PLEKHH2: variants seen among roughly 807,000 people sequenced by gnomAD.
PLEKHH2 encodes the protein pleckstrin homology, MyTH4 and FERM domain containing H2, also known as pleckstrin homology domain-containing family H member 2.
Under a neutral mutation model 187.9 loss-of-function variants are expected in PLEKHH2, and 129 were observed. That is an observed-to-expected ratio of 0.69 (90% CI 0.59 to 0.79). The LOEUF (loss-of-function observed/expected upper bound fraction) is 0.79. PLEKHH2 is among the 30% of genes least tolerant of loss of function. The probability of loss-of-function intolerance (pLI) is 0.00; values close to 1 mark genes in which losing one functional copy is unlikely to be tolerated. For missense variants in PLEKHH2, 2,076 were observed against 1,751.2 expected (o/e 1.19, Z -3.31); for synonymous variants, 686 against 605.6 (o/e 1.13, Z -1.95).
At chr2:43,650,978 C>A (rs985240799) in intron 2 of PLEKHH2, among the ~76,000 whole-genome samples, 9 of 151,548 alleles carry the variant, frequency 5.9e-5, no homozygotes, top group African/African-American at 2.2e-4. Context: ...TATATTTAAA[C>A]TGGTTTTAAA....
chr2:43,761,071 C>G (rs923746318), intron 27 of PLEKHH2, among the ~76,000 whole-genome samples: 1 of 152,158 alleles, frequency 6.6e-6, no homozygotes, highest in Non-Finnish European at 1.5e-5. Flanking sequence ...GAAGGGCATC[C>G]TTTTGAATTG....
At chr2:43,646,299 GT>G (rs1666182273) in intron 2 of PLEKHH2, among the ~76,000 whole-genome samples, 1 of 151,974 alleles carries the variant, frequency 6.6e-6, no homozygotes, top group Non-Finnish European at 1.5e-5. Context: ...TTTCCATGTT[GT>G]ACTATGATTT....
At chr2:43,650,965 T>C (rs973029880) in intron 2 of PLEKHH2, among the ~76,000 whole-genome samples, 2 of 151,970 alleles carry the variant, frequency 1.3e-5, no homozygotes, top group Non-Finnish European at 2.9e-5. Context: ...TTCCTACTAC[T>C]GTTATATTTA....
chr2:43,745,362 C>A (rs577882834), intron 23 of PLEKHH2, among the ~76,000 whole-genome samples: 1 of 152,084 alleles, frequency 6.6e-6, no homozygotes, highest in East Asian at 1.9e-4. Context: ...CCACAAGGGA[C>A]CTTAGAGAAA....
At chr2:43,640,280 T>C (rs1703313328) in intron 1 of PLEKHH2, among the ~76,000 whole-genome samples, 1 of 151,730 alleles carries the variant, frequency 6.6e-6, no homozygotes, top group African/African-American at 2.4e-5. Flanking sequence ...TGATCATAGC[T>C]CACTGCTCAA....
intron 2 of PLEKHH2, among the ~76,000 whole-genome samples, chr2:43,654,564 CTTTTTTTT>C (rs35454431): frequency 7.9e-6 from 1 of 126,470 alleles, no homozygotes; most frequent in South Asian, 2.7e-4. Flanking sequence ...AACTCCTTAA[CTTTTTTTT>C]TTTTTTTTTT....
chr2:43,667,319 G>T (rs1355893875), intron 2 of PLEKHH2, among the ~76,000 whole-genome samples: 1 of 152,154 alleles, frequency 6.6e-6, no homozygotes, highest in African/African-American at 2.4e-5. Flanking sequence ...AAAAATTGAA[G>T]GTCTCATACA....
intron 2 of PLEKHH2, among the ~76,000 whole-genome samples, chr2:43,669,496 A>C (rs931760942): frequency 1.3e-5 from 2 of 152,238 alleles, no homozygotes; most frequent in Non-Finnish European, 2.9e-5. Context: ...GTGGGAAAAA[A>C]TAAATTAACC....
At chr2:43,727,302 C>G (rs973113275) in intron 17 of PLEKHH2, among the ~76,000 whole-genome samples, 1 of 151,150 alleles carries the variant, frequency 6.6e-6, no homozygotes, top group African/African-American at 2.4e-5. Flanking sequence ...ATCCCAGCTA[C>G]TTGGGAGGCT....
Position 43,767,295 on chromosome 2 carries a change from T to G in PLEKHH2, c.*1697T>G, listed in dbSNP as rs1159328105. 6.6e-6 allele frequency: 1 copy of G among 152,344 alleles called. No individual in the cohort carries two copies. The highest frequency in any genetic ancestry group is 2.4e-5 in the African/African-American group (1 of 41,452). The allele number at this position is 152,344 out of a possible 1,614,324, so 9.4% of individuals were successfully genotyped here. A position where few individuals can be genotyped will look rare whatever the true frequency, so the allele number is the denominator to read the frequency against. ...CCTTCTCCCTGTGGCAATGTACTGT[T>G]CTCACATTAAGCCTTTTAAAAATGT... On this transcript the variant is annotated 3_prime_UTR_variant, in exon 30 of 30. Transcript: ENST00000282406.
intron 13 of PLEKHH2, 26 bp from the exon 14 acceptor site, chr2:43,710,463 T>C: frequency 6.3e-7 from 1 of 1,589,508 alleles, no homozygotes; most frequent in Non-Finnish European, 8.5e-7. Flanking sequence ...TTAATCACTT[T>C]CCATTTGTTT....
intron 24 of PLEKHH2, among the ~76,000 whole-genome samples, chr2:43,753,298 T>A (rs775998892): frequency 6.6e-6 from 1 of 152,230 alleles, no homozygotes; most frequent in Non-Finnish European, 1.5e-5. Flanking sequence ...GGATTTCTTA[T>A]AAGCGCCATA....
At chr2:43,659,634 T>C (rs1169075270) in intron 2 of PLEKHH2, among the ~76,000 whole-genome samples, 2 of 151,394 alleles carry the variant, frequency 1.3e-5, no homozygotes, top group African/African-American at 4.9e-5. Context: ...CTCAGCTCAC[T>C]GGCAACCTCT....
chr2:43,733,389 C>T (rs1020400401), intron 19 of PLEKHH2, among the ~76,000 whole-genome samples: 6 of 151,400 alleles, frequency 4.0e-5, no homozygotes, highest in African/African-American at 1.2e-4. Flanking sequence ...AAAAATCCCT[C>T]CACTTAATAG....
rs1669272007 is a variant in PLEKHH2, at chr2:43,699,920, G to A, written c.962G>A (p.Gly321Glu). Residue 321 changes from glycine (G) to glutamate (E), a missense_variant, in exon 8 of 30, where the codon GGA (glycine) becomes GAA (glutamate). Coordinates refer to ENST00000282406, the MANE Select transcript of PLEKHH2 (RefSeq NM_172069.4). ...GAAGGGGTCCAGTGTAGCAGGATGG[G>A]AAGTGAAATGTATCTGACAGCATCT... Reference protein sequence around the residue: ...SEEGVQCSRMGSEMYLTASDD... With the variant: ...SEEGVQCSRMESEMYLTASDD... 1 of 1,614,050 alleles carries A rather than the reference G, an allele frequency of 6.2e-7. No individual in the cohort carries two copies. Among genetic ancestry groups the A allele is most frequent in the Non-Finnish European group, 8.5e-7 (1 of 1,180,020 alleles).
intron 14 of PLEKHH2, chr2:43,710,976 G>T: frequency 1.0e-6 from 1 of 1,001,916 alleles, no homozygotes; most frequent in Non-Finnish European, 1.2e-6. Flanking sequence ...GAAAATGACA[G>T]TTCTTATATG....
intron 11 of PLEKHH2, among the ~76,000 whole-genome samples, chr2:43,708,018 G>A (rs1319331574): frequency 6.6e-6 from 1 of 152,176 alleles, no homozygotes; most frequent in Non-Finnish European, 1.5e-5. Flanking sequence ...TGGTTACAGA[G>A]AGATCTAATT....
intron 2 of PLEKHH2, chr2:43,676,410 G>T (rs1472274588): frequency 9.1e-6 from 10 of 1,097,534 alleles, no homozygotes; most frequent in East Asian, 2.5e-5. Flanking sequence ...TGGCGGCTGC[G>T]CTCCCGGTTG....
chr2:43,650,774 T>C (rs1043471729), intron 2 of PLEKHH2, among the ~76,000 whole-genome samples: 2 of 151,870 alleles, frequency 1.3e-5, no homozygotes, highest in Admixed American at 6.6e-5. Context: ...GCCTCCCAAG[T>C]AGCTGGGACT....
Sources: allele counts gnomAD v4.1 joint callset (sites outside exome capture counted in the v4.1 genomes callset), GRCh38; gene constraint gnomAD v4.1.1; transcripts MANE v1.5; gene names NCBI Gene and HGNC (gene_info 2026-07-23, HGNC 2026-07-21).